The following BCL11A variants were observed in gnomAD, a reference collection of about 807,000 sequenced individuals.
The protein encoded by BCL11A is B cell CLL/lymphoma 11A.
BCL11A carries 2 observed loss-of-function variants against 55.9 expected under a neutral mutation model. That is an observed-to-expected ratio of 0.04 (90% CI 0.01 to 0.11). The LOEUF (loss-of-function observed/expected upper bound fraction) is 0.11. Among genes scored for constraint, BCL11A ranks in the 10% least tolerant of loss-of-function variants. The pLI, the probability that BCL11A is intolerant of heterozygous loss-of-function variation, is 1.00. For synonymous variants in BCL11A, 465 were observed against 473.4 expected (o/e 0.98, Z 0.23); for missense variants, 817 against 1,137.1 (o/e 0.72, Z 4.05).
Position 60,546,908 on chromosome 2 carries a change from C to T in BCL11A, c.56-608G>A, listed in dbSNP as rs189579278. On this transcript the variant is annotated intron_variant, in intron 1 of 3. Transcript: ENST00000642384. This position sits in a 1 kb window ranked among gnomAD's most constrained non-coding sequence, Gnocchi z 4.1. Reference sequence around the variant, plus strand: ...CATTTACACTGCTGTAATAAGAAAACGACTGCATGCACCTATGAAACGGAT... The same window carrying T: ...CATTTACACTGCTGTAATAAGAAAATGACTGCATGCACCTATGAAACGGAT... Among the ~76,000 whole-genome samples, 5 of 152,232 alleles carry T rather than the reference C, an allele frequency of 3.3e-5. No homozygotes were observed. Among genetic ancestry groups the T allele is most frequent in the Admixed American group, 1.3e-4 (2 of 15,302 alleles).
At position 60,459,847 on chromosome 2, in the gene BCL11A, G is replaced by A. The variant is rs946609784; in HGVS notation, c.*557C>T. 2 of 1,045,074 alleles carry A rather than the reference G, an allele frequency of 1.9e-6. No individual in the cohort carries two copies. Among genetic ancestry groups the A allele is most frequent in the African/African-American group, 3.3e-5 (2 of 59,938 alleles). The allele number at this position is 1,045,074 out of a possible 1,614,324, so 64.7% of individuals were successfully genotyped here. ...GTGCTATCTATTCTGTCTATAGAGG[G>A]TTAATCCAAAGACTGTTTTTCCTCC... On this transcript the variant is annotated 3_prime_UTR_variant, in exon 4 of 4. Coordinates refer to ENST00000642384, the MANE Select transcript of BCL11A (RefSeq NM_022893.4).
Position 60,506,709 on chromosome 2 carries a change from G to A in BCL11A, c.386-37876C>T, listed in dbSNP as rs113656311. On this transcript the variant is annotated intron_variant, in intron 2 of 3. Transcript: ENST00000642384. The stretch of plus-strand genomic sequence containing the variant: ...CATTTACCACTGATGACAGCCCCCC[G>A]CATGTTTCCTCCTAAACGCCTGATA... Among the ~76,000 whole-genome samples the A allele has an allele frequency of 9.6e-3, 1,463 of 152,280 alleles. 25 individuals carry two copies. Among genetic ancestry groups the A allele is most frequent in the African/African-American group, 0.033 (1,350 of 41,534 alleles).
chr2:60,495,273 G>A (rs1327987479), intron 2 of BCL11A, among the ~76,000 whole-genome samples: 1 of 150,698 alleles, frequency 6.6e-6, no homozygotes, highest in African/African-American at 2.4e-5. Flanking sequence ...TGTGATAAAA[G>A]CAACTGTTAG....
chr2:60,510,322 C>A (rs1047983469), intron 2 of BCL11A, among the ~76,000 whole-genome samples: 2 of 152,152 alleles, frequency 1.3e-5, no homozygotes, highest in African/African-American at 4.8e-5. Flanking sequence ...CCTCAGGGCC[C>A]CTTGCTCCTC....
At chr2:60,532,655 T>C (rs1669511089) in intron 2 of BCL11A, among the ~76,000 whole-genome samples, 1 of 152,260 alleles carries the variant, frequency 6.6e-6, no homozygotes, top group Admixed American at 6.5e-5. Context: ...TTGTTCATTA[T>C]TATGACTTTA....
At position 60,457,670 on chromosome 2, in the gene BCL11A, GTT is replaced by G. The variant is rs36105824; in HGVS notation, c.*2732_*2733del. 892 of 928,144 alleles carry G rather than the reference GTT, an allele frequency of 9.6e-4. No individual in the cohort carries two copies. Among genetic ancestry groups the G allele is most frequent in the Non-Finnish European group, 9.6e-4 (749 of 779,992 alleles). 57.5% of individuals were successfully genotyped at this position (928,144 alleles called of 1,614,324 possible). The stretch of plus-strand genomic sequence containing the variant: ...CAATGAAAAAAACTGCAAAACATTG[GTT>G]TTTTTTTTTTTTTCCTTTTTTTTTC... On this transcript the variant is annotated 3_prime_UTR_variant, in exon 4 of 4. Transcript: ENST00000642384.
At chr2:60,529,427 T>C (rs1669349861) in intron 2 of BCL11A, among the ~76,000 whole-genome samples, 1 of 152,204 alleles carries the variant, frequency 6.6e-6, no homozygotes, top group Non-Finnish European at 1.5e-5. Flanking sequence ...GTATTACTTC[T>C]TTACCCTCAG....
In BCL11A at chr2:60,535,379, C is replaced by CT. The variant is rs1669623090; in HGVS notation, c.385+10591dup. 3 of 152,184 alleles carry CT rather than the reference C, an allele frequency of 2.0e-5. No homozygotes were observed. The South Asian group carries it at 6.2e-4, about 31-fold the overall frequency. The allele number at this position is 152,184 out of a possible 1,614,324, so 9.4% of individuals were successfully genotyped here. On this transcript the variant is annotated intron_variant, in intron 2 of 3. Transcript: ENST00000642384. ...AAAGGGGCTAAGATACAAACAGAGG[C>CT]TGCAAACATCGTCACGGACTTTGTT...
At chr2:60,509,949 C>T (rs1028180593) in intron 2 of BCL11A, among the ~76,000 whole-genome samples, 2 of 152,172 alleles carry the variant, frequency 1.3e-5, no homozygotes, top group African/African-American at 2.4e-5. Context: ...CCGAGCCACA[C>T]ATTTTGGGGT....
chr2:60,521,735 AAG>A (rs1289039285), intron 2 of BCL11A, among the ~76,000 whole-genome samples: 3 of 152,148 alleles, frequency 2.0e-5, no homozygotes, highest in Non-Finnish European at 4.4e-5. Context: ...CAAATGGCCA[AAG>A]AAAGGTCCCA....
intron 3 of BCL11A, among the ~76,000 whole-genome samples, chr2:60,462,658 C>T (rs1470194736): frequency 6.6e-6 from 1 of 152,106 alleles, no homozygotes; most frequent in Non-Finnish European, 1.5e-5. Context: ...ATATCCAATC[C>T]CCAAAGCAGA....
At position 60,471,115 on chromosome 2, in the gene BCL11A, C is replaced by CTTTCGAAAAGT. The variant is rs1677169281; in HGVS notation, c.386-2283_386-2282insACTTTTCGAAA. ...CTTGGGGGAGGGTCCAGCCCAGCAG[C>CTTTCGAAAAGT]GCTACATGGGGCTTTCGAAAGGTGC... is the stretch of plus-strand genomic sequence containing the variant. On this transcript the variant is annotated intron_variant, in intron 2 of 3. Transcript: ENST00000642384. Among the ~76,000 whole-genome samples the CTTTCGAAAAGT allele has an allele frequency of 2.0e-5, 3 of 152,304 alleles. No individual in the cohort carries two copies. In the South Asian group the frequency reaches 6.2e-4, roughly 32 times the overall value.
chr2:60,452,307 A>ATGG, downstream of BCL11A: 1 of 360,942 alleles, frequency 2.8e-6, no homozygotes, highest in Non-Finnish European at 5.1e-6. Flanking sequence ...GGCATCACTC[A>ATGG]TGACAGCGAT....
chr2:60,550,722 A>C lies in BCL11A; in HGVS notation c.55+2494T>G. On this transcript the variant is annotated intron_variant, in intron 1 of 3. Coordinates refer to ENST00000642384, the MANE Select transcript of BCL11A (RefSeq NM_022893.4). ...TAACCCTCCCAGCCTAGAGTGTCCC[A>C]AGATGGACCCAGGAGGGAGAGGGGT... 3 of 397,632 alleles carry C rather than the reference A, an allele frequency of 7.5e-6. 1 individual carries two copies. Among genetic ancestry groups the C allele is most frequent in the South Asian group, 2.7e-4 (2 of 7,470 alleles). 24.6% of individuals were successfully genotyped at this position (397,632 alleles called of 1,614,324 possible).
chr2:60,467,185 G>GGTGATGGTGGTGGTGGTA (rs1558618474), intron 3 of BCL11A, among the ~76,000 whole-genome samples: 1 of 141,826 alleles, frequency 7.1e-6, no homozygotes, highest in Non-Finnish European at 1.6e-5. Flanking sequence ...TGGTGGTGGT[G>GGTGATGGTGGTGGTGGTA]GTGATGGTGG....
At chr2:60,525,345 C>CATAA (rs761434487) in intron 2 of BCL11A, 4 of 152,160 alleles carry the variant, frequency 2.6e-5, no homozygotes, top group Non-Finnish European at 2.9e-5. Flanking sequence ...ATGGAGAAAT[C>CATAA]TTATAAGGCT....
In BCL11A at chr2:60,511,582, G is replaced by A. The variant is rs138326588; in HGVS notation, c.385+34389C>T. ...TGGGGCTATTTTAAGTTAACAGAGC[G>A]CTAATCTGATTCAAAACTGAAGACT... On this transcript the variant is annotated intron_variant, in intron 2 of 3. Transcript: ENST00000642384. Among the ~76,000 whole-genome samples, 47 of 151,886 alleles carry A rather than the reference G, an allele frequency of 3.1e-4. 1 individual carries two copies. In the East Asian group the frequency reaches 7.2e-3, roughly 23 times the overall value.
chr2:60,518,598 C>T (rs761862848), intron 2 of BCL11A, among the ~76,000 whole-genome samples: 41 of 152,144 alleles, frequency 2.7e-4, no homozygotes, highest in African/African-American at 4.8e-4. Flanking sequence ...GGAAGCATTG[C>T]TCTAGATCTG....
intron 2 of BCL11A, among the ~76,000 whole-genome samples, chr2:60,504,245 G>A (rs1255676055): frequency 6.6e-6 from 1 of 152,206 alleles, no homozygotes; most frequent in Admixed American, 6.5e-5. Flanking sequence ...TTCCAGAACT[G>A]CTGCCTACCG....
Sources: allele counts gnomAD v4.1 joint callset (sites outside exome capture counted in the v4.1 genomes callset), GRCh38; gene constraint gnomAD v4.1.1; non-coding constraint Gnocchi (gnomAD v3.1); transcripts MANE v1.5; gene names NCBI Gene and HGNC (gene_info 2026-07-23, HGNC 2026-07-21).